ITGA9: variants seen among roughly 807,000 people sequenced by gnomAD.
ITGA9 encodes integrin alpha-9.
A neutral mutation model predicts 127.8 loss-of-function variants in ITGA9; 56 were observed. The ratio of observed to expected loss-of-function variants is 0.44; its 90% CI spans 0.35 to 0.55. ITGA9 has a LOEUF of 0.55. Ranked by LOEUF, ITGA9 falls within the 20% of genes least tolerant of loss-of-function variation. The pLI, the probability that ITGA9 is intolerant of heterozygous loss-of-function variation, is 0.00. For missense variants in ITGA9, 1,196 were observed against 1,347.1 expected, an observed-to-expected ratio of 0.89 and a Z score of 1.76; for synonymous variants, 508 against 514.5, an observed-to-expected ratio of 0.99 and a Z score of 0.17.
At chr3:37,750,263 G>A (rs1237352636) in intron 22 of ITGA9, among the ~76,000 whole-genome samples, 199 bp from the exon 23 acceptor site, 1 of 152,246 alleles carries the variant, frequency 6.6e-6, no homozygotes, top group Admixed American at 6.5e-5. Flanking sequence ...ATTTTTAGAT[G>A]CATGTTAGAA....
intron 16 of ITGA9, among the ~76,000 whole-genome samples, chr3:37,633,179 G>A (rs1700243535): frequency 1.3e-5 from 2 of 152,178 alleles, no homozygotes; most frequent in Non-Finnish European, 2.9e-5. Flanking sequence ...TGATGAGCAA[G>A]TGGCAAATAT....
intron 16 of ITGA9, among the ~76,000 whole-genome samples, chr3:37,644,255 C>T (rs1700357155): frequency 6.6e-6 from 1 of 152,164 alleles, no homozygotes; most frequent in South Asian, 2.1e-4. Context: ...TCAGTTATCA[C>T]AGGGGTTGAA....
intron 15 of ITGA9, among the ~76,000 whole-genome samples, chr3:37,567,716 G>A (rs751720777): frequency 4.6e-5 from 7 of 152,100 alleles, no homozygotes; most frequent in African/African-American, 7.2e-5. Flanking sequence ...AAAACCCAGC[G>A]GGGAAGTCAA....
Position 37,548,733 on chromosome 3 carries a change from G to C in ITGA9, c.1689+6148G>C, listed in dbSNP as rs763906348. Among the ~76,000 whole-genome samples, 105 of 152,266 alleles carry C rather than the reference G, an allele frequency of 6.9e-4. 1 individual carries two copies. Among genetic ancestry groups the C allele is most frequent in the Non-Finnish European group, 1.3e-3 (89 of 68,008 alleles). On this transcript the variant is annotated intron_variant, in intron 15 of 27. Transcript: ENST00000264741. ...GACCCCTGAGAGGGCAGCATGGAGG[G>C]GCCCTGGTGCTCTCTAAGGTGACCT...
In ITGA9 at chr3:37,624,608, TTTTA is replaced by T. The variant is rs533747091; in HGVS notation, c.1690-4567_1690-4564del. Among the ~76,000 whole-genome samples, 619 of 152,190 alleles carry T rather than the reference TTTTA, an allele frequency of 4.1e-3. 6 individuals are homozygous for T. The highest frequency in any genetic ancestry group is 0.013 in the African/African-American group (533 of 41,552). On this transcript the variant is annotated intron_variant, in intron 15 of 27. Coordinates refer to ENST00000264741, the MANE Select transcript of ITGA9 (RefSeq NM_002207.3). ...CCCCTGTCAGAGGGATTTTTATTTA[TTTTA>T]TTTATTTATTTTTGAGACAGAGTCT...
At position 37,542,493 on chromosome 3, in the gene ITGA9, G is replaced by T; in HGVS notation, c.1597G>T (p.Val533Leu). 1.2e-6 allele frequency: 2 copies of T among 1,614,124 alleles called. No individual in the cohort carries two copies. Among genetic ancestry groups the T allele is most frequent in the Non-Finnish European group, 1.7e-6 (2 of 1,180,008 alleles). The change falls in exon 15 of 28, where the codon GTG becomes TTG. Residue 533 changes from valine (V) to leucine (L), a missense_variant. Coordinates refer to ENST00000264741, the MANE Select transcript of ITGA9 (RefSeq NM_002207.3). ...GGGCCAGATGCCCAGGGTCTACTTT[G>T]TGCTGCTGGGAGAGACCATGGGTCA... is the stretch of plus-strand genomic sequence containing the variant. ...EKGQMPRVYFVLLGETMGQVT... is the reference protein window; with the variant it reads ...EKGQMPRVYFLLLGETMGQVT...
intron 2 of ITGA9, among the ~76,000 whole-genome samples, chr3:37,472,967 C>T (rs923248634): frequency 3.3e-5 from 5 of 150,654 alleles, no homozygotes; most frequent in African/African-American, 1.2e-4. Context: ...GGTGAAAACC[C>T]ATCTCTGCTA....
At chr3:37,670,766 C>T (rs1002268621) in intron 17 of ITGA9, among the ~76,000 whole-genome samples, 2 of 152,160 alleles carry the variant, frequency 1.3e-5, no homozygotes, top group African/African-American at 4.8e-5. Flanking sequence ...ATAGGGCTAC[C>T]TCACCTCCCA....
At chr3:37,552,297 A>G (rs1699385898) in intron 15 of ITGA9, among the ~76,000 whole-genome samples, 1 of 152,086 alleles carries the variant, frequency 6.6e-6, no homozygotes, top group African/African-American at 2.4e-5. Flanking sequence ...ACCCCTTGTA[A>G]AGAAAGGAAG....
intron 23 of ITGA9, among the ~76,000 whole-genome samples, chr3:37,773,362 G>C (rs779192290): frequency 1.3e-5 from 2 of 152,158 alleles, no homozygotes; most frequent in African/African-American, 2.4e-5. Context: ...AGTTTCCAGC[G>C]GTCTGTCAGC....
intron 15 of ITGA9, among the ~76,000 whole-genome samples, chr3:37,622,491 A>T (rs192593641): frequency 2.2e-4 from 33 of 152,256 alleles, no homozygotes; most frequent in African/African-American, 7.9e-4. Context: ...TATAATAAGG[A>T]TTTATTTCAT....
chr3:37,718,834 C>T (rs1202326128), intron 18 of ITGA9, among the ~76,000 whole-genome samples: 1 of 152,162 alleles, frequency 6.6e-6, no homozygotes, highest in African/African-American at 2.4e-5. Context: ...TTTTACAAAG[C>T]TTTTCATAGG....
At position 37,650,238 on chromosome 3, in the gene ITGA9, T is replaced by C. The variant is rs547026114; in HGVS notation, c.1840-3476T>C. Among the ~76,000 whole-genome samples the C allele has an allele frequency of 3.0e-3, 463 of 152,278 alleles. 2 individuals carry two copies. The highest frequency in any genetic ancestry group is 5.5e-3 in the Non-Finnish European group (375 of 68,008). On this transcript the variant is annotated intron_variant, in intron 16 of 27. Coordinates refer to ENST00000264741, the MANE Select transcript of ITGA9 (RefSeq NM_002207.3). ...AAGTCACATAGTGTCACTTCCACTG[T>C]AGCCAAAAGTCCACCCAGATTCCAG... is the stretch of plus-strand genomic sequence containing the variant.
At chr3:37,521,213 C>T (rs745588852) in intron 11 of ITGA9, among the ~76,000 whole-genome samples, 3 of 152,146 alleles carry the variant, frequency 2.0e-5, no homozygotes, top group Non-Finnish European at 4.4e-5. Flanking sequence ...AAAAAAAATT[C>T]TTTAATGGCA....
chr3:37,546,553 C>T (rs907231597), intron 15 of ITGA9, among the ~76,000 whole-genome samples: 13 of 152,256 alleles, frequency 8.5e-5, no homozygotes, highest in Admixed American at 8.5e-4. Flanking sequence ...AGGTTTTGGA[C>T]ATCCTCAGTG....
At chr3:37,708,418 C>T (rs560244208) in intron 18 of ITGA9, among the ~76,000 whole-genome samples, 13 of 152,254 alleles carry the variant, frequency 8.5e-5, no homozygotes, top group South Asian at 2.1e-4. Flanking sequence ...GGAGTAGCTG[C>T]GAAGTCAAAA....
intron 13 of ITGA9, among the ~76,000 whole-genome samples, chr3:37,527,449 CT>C (rs771461483): frequency 1.8e-4 from 27 of 152,314 alleles, no homozygotes; most frequent in African/African-American, 5.1e-4. Context: ...GCTTCTCAGT[CT>C]TGTGTCTTTT....
rs1700330238 is a variant in ITGA9 at position 37,641,228 on chromosome 3, C to T, written c.1839+11892C>T. ...GCCCCTCCTGTCAGATGAGCAGAGG[C>T]ATTAGATTCTCACAGGAACATGAAC... On this transcript the variant is annotated intron_variant, in intron 16 of 27. Coordinates refer to ENST00000264741, the MANE Select transcript of ITGA9 (RefSeq NM_002207.3). Among the ~76,000 whole-genome samples the T allele has an allele frequency of 2.0e-5, 3 of 152,300 alleles. No homozygotes were observed. In the South Asian group the frequency reaches 6.2e-4, roughly 32 times the overall value.
chr3:37,614,544 A>C (rs1448078210), intron 15 of ITGA9, among the ~76,000 whole-genome samples: 2 of 150,950 alleles, frequency 1.3e-5, no homozygotes, highest in African/African-American at 4.8e-5. Flanking sequence ...GAATCTATAA[A>C]TTACCTTGGG....
Sources: allele counts gnomAD v4.1 joint callset (sites outside exome capture counted in the v4.1 genomes callset), GRCh38; gene constraint gnomAD v4.1.1; transcripts MANE v1.5; gene names NCBI Gene and HGNC (gene_info 2026-07-23, HGNC 2026-07-21).